The following SLCO1B1 variants were observed in gnomAD, a reference collection of about 807,000 sequenced individuals.
The protein encoded by SLCO1B1 is solute carrier organic anion transporter family member 1B1.
A neutral mutation model predicts 70.1 loss-of-function variants in SLCO1B1; 81 were observed. That is an observed-to-expected ratio of 1.16 (90% confidence interval 0.97 to 1.39). The LOEUF is 1.39. SLCO1B1 is among the 40% of genes most tolerant of loss of function. SLCO1B1 has a pLI of 0.00. For missense variants in SLCO1B1, 895 were observed against 799.6 expected (o/e 1.12, Z -1.44); for synonymous variants, 283 against 271.5 (o/e 1.04, Z -0.42).
At chr12:21,169,633 A>G (rs181254105) in intron 2 of SLCO1B1, among the ~76,000 whole-genome samples, 25 of 152,206 alleles carry the variant, frequency 1.6e-4, no homozygotes, top group Admixed American at 6.5e-4. Flanking sequence ...CATTTCATTT[A>G]ATTGTCTGTT....
intron 11 of SLCO1B1, among the ~76,000 whole-genome samples, chr12:21,209,124 T>C (rs201396643): frequency 1.9e-4 from 29 of 149,256 alleles, no homozygotes; most frequent in South Asian, 4.3e-4. Context: ...TAGTTACATA[T>C]GTATACATGT....
At chr12:21,229,449 G>C (rs1941511993) in intron 14 of SLCO1B1, among the ~76,000 whole-genome samples, 2 of 152,086 alleles carry the variant, frequency 1.3e-5, no homozygotes, top group African/African-American at 4.8e-5. Flanking sequence ...TGTTTTCATA[G>C]TTTTGCGTTT....
chr12:21,224,632 T>A (rs1351996448), intron 13 of SLCO1B1, 90 bp from the exon 14 acceptor site: 3 of 852,950 alleles, frequency 3.5e-6, no homozygotes, highest in Non-Finnish European at 5.9e-6. Context: ...TTTGAACTTT[T>A]ATTTAATCAA....
At chr12:21,238,864 C>A (rs1305126376) in intron 14 of SLCO1B1, 115 bp from the exon 15 acceptor site, 2 of 577,206 alleles carry the variant, frequency 3.5e-6, no homozygotes, top group Non-Finnish European at 6.0e-6. Context: ...GAATTATTGT[C>A]TTAATATTTT....
At position 21,238,960 on chromosome 12, in the gene SLCO1B1, A is replaced by G. The variant is rs1941620620; in HGVS notation, c.1866-19A>G. The G allele has an allele frequency of 6.9e-7, 1 of 1,441,594 alleles. No individual in the cohort carries two copies. The highest frequency in any genetic ancestry group is 1.4e-5 in the African/African-American group (1 of 71,250). The allele number at this position is 1,441,594 out of a possible 1,614,324, so 89.3% of individuals were successfully genotyped here. A position where few individuals can be genotyped will look rare whatever the true frequency, so the allele number is the denominator to read the frequency against. On this transcript the variant is annotated intron_variant, in intron 14 of 14. Coordinates refer to ENST00000256958, the MANE Select transcript of SLCO1B1 (RefSeq NM_006446.5). ...ACAATTTAAACTGATTTATTGTTTT[A>G]TTTTCTCTATTTCTACAGAAGGGTC... is the stretch of plus-strand genomic sequence containing the variant.
At chr12:21,202,385 G>T in intron 9 of SLCO1B1, 106 bp from the exon 10 acceptor site, 1 of 757,122 alleles carries the variant, frequency 1.3e-6, no homozygotes, top group Non-Finnish European at 2.1e-6. Context: ...ATTTTAAAAA[G>T]AAGCAATAAT....
At chr12:21,234,099 T>C (rs895748547) in intron 14 of SLCO1B1, among the ~76,000 whole-genome samples, 1 of 152,200 alleles carries the variant, frequency 6.6e-6, no homozygotes, top group East Asian at 1.9e-4. Flanking sequence ...TCTGAGAATT[T>C]GAGGACTGGA....
Position 21,156,313 on chromosome 12 carries a change from A to G in SLCO1B1, c.84+14655A>G, listed in dbSNP as rs1940542087. 1.3e-5 allele frequency among the ~76,000 whole-genome samples: 2 copies of G among 152,124 alleles called. 1 individual carries two copies. Among genetic ancestry groups the G allele is most frequent in the South Asian group, 4.1e-4 (2 of 4,836 alleles). On this transcript the variant is annotated intron_variant, in intron 2 of 14. Transcript: ENST00000256958. Reference sequence around the variant, plus strand: ...TATATTAAAATAATGATACTAAACAAAGAATTTATGACAAATGTTCATCTT... The same window carrying G: ...TATATTAAAATAATGATACTAAACAGAGAATTTATGACAAATGTTCATCTT...
At chr12:21,136,963 C>T (rs1383874050) in intron 1 of SLCO1B1, among the ~76,000 whole-genome samples, 2 of 152,084 alleles carry the variant, frequency 1.3e-5, no homozygotes, top group Non-Finnish European at 2.9e-5. Flanking sequence ...TTTGTGGTTT[C>T]ATCTATCTTT....
intron 14 of SLCO1B1, among the ~76,000 whole-genome samples, chr12:21,233,561 A>C (rs1941564392): frequency 1.0e-5 from 1 of 96,630 alleles, no homozygotes; most frequent in Admixed American, 9.8e-5. Flanking sequence ...TCAAAAAAAA[A>C]ACAAACAAAC....
chr12:21,178,764 T>G (rs747489505), intron 6 of SLCO1B1, 42 bp downstream of exon 6: 1 of 1,548,720 alleles, frequency 6.5e-7, no homozygotes, highest in Middle Eastern at 1.7e-4. Context: ...CACTTTCCCT[T>G]TGTCTACTTT....
At chr12:21,222,802 C>G (rs892667731) in intron 13 of SLCO1B1, among the ~76,000 whole-genome samples, 8 of 152,006 alleles carry the variant, frequency 5.3e-5, no homozygotes, top group African/African-American at 1.9e-4. Flanking sequence ...CTAAAGCTAG[C>G]TTGGGAAGCG....
At chr12:21,210,860 TTGTC>T (rs1456935203) in intron 11 of SLCO1B1, among the ~76,000 whole-genome samples, 8 of 150,880 alleles carry the variant, frequency 5.3e-5, no homozygotes, top group Non-Finnish European at 8.8e-5. Flanking sequence ...GGCTCTCTGT[TTGTC>T]TGTTGTTGGT....
At chr12:21,233,552 C>CA (rs35924420) in intron 14 of SLCO1B1, among the ~76,000 whole-genome samples, 27 of 104,850 alleles carry the variant, frequency 2.6e-4, no homozygotes, top group South Asian at 1.4e-3. Context: ...ACTGAGACCT[C>CA]AAAAAAAAAA....
intron 7 of SLCO1B1, among the ~76,000 whole-genome samples, chr12:21,188,448 T>C (rs976409960): frequency 6.6e-6 from 1 of 152,188 alleles, no homozygotes; most frequent in African/African-American, 2.4e-5. Context: ...ACAAAACATG[T>C]GTTAATCAAC....
At chr12:21,221,164 A>C (rs1451155739) in intron 12 of SLCO1B1, among the ~76,000 whole-genome samples, 1 of 152,190 alleles carries the variant, frequency 6.6e-6, no homozygotes. Context: ...AACATACCTC[A>C]AAATAATAAA....
chr12:21,135,624 A>G lies in SLCO1B1; in HGVS notation c.-62+4388A>G, dbSNP rs143105403. ...TGTCTCTTTTGATCTTTGTTGGTATAAAGTCTGTTTTATCAGAGACTAGGA... is the reference window on the plus strand; with the variant it reads ...TGTCTCTTTTGATCTTTGTTGGTATGAAGTCTGTTTTATCAGAGACTAGGA... On this transcript the variant is annotated intron_variant, in intron 1 of 14. Transcript: ENST00000256958. Among the ~76,000 whole-genome samples the G allele has an allele frequency of 5.3e-3, 800 of 152,232 alleles. 12 individuals are homozygous for G. Among genetic ancestry groups the G allele is most frequent in the African/African-American group, 0.018 (766 of 41,512 alleles).
At chr12:21,164,013 G>T (rs890294685) in intron 2 of SLCO1B1, among the ~76,000 whole-genome samples, 1 of 152,050 alleles carries the variant, frequency 6.6e-6, no homozygotes, top group African/African-American at 2.4e-5. Context: ...CAAAAAATAG[G>T]ATTTGAGTCA....
chr12:21,166,790 T>C (rs1300895730), intron 2 of SLCO1B1, among the ~76,000 whole-genome samples: 2 of 152,204 alleles, frequency 1.3e-5, no homozygotes, highest in Non-Finnish European at 2.9e-5. Flanking sequence ...CCTTGGTATT[T>C]ACTGAAATAA....
Sources: gnomAD v4.1 joint callset for allele counts (sites outside exome capture counted in the v4.1 genomes callset) on GRCh38, gnomAD v4.1.1 for gene constraint, MANE v1.5 for transcripts, NCBI Gene and HGNC (gene_info 2026-07-23, HGNC 2026-07-21) for gene names.